The following ATF6B variants were observed in gnomAD, a reference collection of about 807,000 sequenced individuals.
ATF6B encodes the protein activating transcription factor 6 beta.
A neutral mutation model predicts 83.5 loss-of-function variants in ATF6B; 50 were observed. That is an observed-to-expected ratio of 0.60 (90% confidence interval 0.48 to 0.76). ATF6B has a LOEUF of 0.76. ATF6B is among the 30% of genes least tolerant of loss of function. ATF6B has a pLI of 0.00. For missense variants in ATF6B, 790 were observed against 893.8 expected (o/e 0.88, Z 1.48); for synonymous variants, 344 against 362.8 (o/e 0.95, Z 0.59).
At position 32,124,326 on chromosome 6, in the gene ATF6B, C is replaced by T. The variant is rs1781880523; in HGVS notation, c.478+1791G>A. Among the ~76,000 whole-genome samples the T allele has an allele frequency of 3.3e-5, 5 of 152,192 alleles. No individual in the cohort carries two copies. The South Asian group carries it at 1.0e-3, about 31-fold the overall frequency. On this transcript the variant is annotated intron_variant, in intron 5 of 17. Transcript: ENST00000375203. ...CATCACCCACCCACAGCCATCCTAG[C>T]CACAAACCTCTTTGACTCCTACCTC...
Position 32,120,917 on chromosome 6 carries a change from G to A in ATF6B, c.701-15C>T. 6.5e-7 allele frequency: 1 copy of A among 1,527,158 alleles called. No homozygotes were observed. Among genetic ancestry groups the A allele is most frequent in the Non-Finnish European group, 8.8e-7 (1 of 1,138,480 alleles). The allele number at this position is 1,527,158 out of a possible 1,614,324, so 94.6% of individuals were successfully genotyped here. A position where few individuals can be genotyped will look rare whatever the true frequency, so the allele number is the denominator to read the frequency against. The stretch of plus-strand genomic sequence containing the variant: ...CAGGGCTTTGCCTGAAGGAAGGTGA[G>A]AGAAAAGAACAAGAAATGTCAGGAC... On this transcript the variant is annotated splice_polypyrimidine_tract_variant and intron_variant, in intron 7 of 17. Coordinates refer to ENST00000375203, the MANE Select transcript of ATF6B (RefSeq NM_004381.5).
rs901452490 is a variant in ATF6B at position 32,116,347 on chromosome 6, C to T, written c.1882+133G>A. 1 of 835,514 alleles carries T rather than the reference C, an allele frequency of 1.2e-6. No individual in the cohort carries two copies. The highest frequency in any genetic ancestry group is 1.7e-5 in the African/African-American group (1 of 58,086). The allele number at this position is 835,514 out of a possible 1,614,324, so 51.8% of individuals were successfully genotyped here. On this transcript the variant is annotated intron_variant, in intron 17 of 17. Transcript: ENST00000375203. This position sits in a 1 kb window ranked among gnomAD's most constrained non-coding sequence, Gnocchi z 5.1. ...TCCTGCATGGTGCTCTTCCCTCCACCTACTTCCTGCTGCTTCTCACCTGTG... is the reference window on the plus strand; with the variant it reads ...TCCTGCATGGTGCTCTTCCCTCCACTTACTTCCTGCTGCTTCTCACCTGTG...
rs996177928 is a variant in ATF6B at position 32,119,257 on chromosome 6, T to C, written c.967-116A>G. On this transcript the variant is annotated intron_variant, in intron 9 of 17. Transcript: ENST00000375203. The surrounding 1 kb of genome is among the most constrained non-coding windows in gnomAD (Gnocchi z 4.9). ...TCACATGGCCATTCCCCTGCCTTCCTGACCCACCTACATAGCCAGAGAGGT... is the reference window on the plus strand; with the variant it reads ...TCACATGGCCATTCCCCTGCCTTCCCGACCCACCTACATAGCCAGAGAGGT... 3 of 1,262,306 alleles carry C rather than the reference T, an allele frequency of 2.4e-6. No homozygotes were observed. Among genetic ancestry groups the C allele is most frequent in the Non-Finnish European group, 2.1e-6 (2 of 932,594 alleles). 78.2% of individuals were successfully genotyped at this position (1,262,306 alleles called of 1,614,324 possible). A position where few individuals can be genotyped will look rare whatever the true frequency, so the allele number is the denominator to read the frequency against.
Position 32,115,709 on chromosome 6 carries a change from C to T in ATF6B, c.*30G>A. ...ACCTGGCCACCTGGTACCCCCTCCC[C>T]CCGTTCTAAGTCAGTGTGAATGGCA... On this transcript the variant is annotated 3_prime_UTR_variant, in exon 18 of 18. Coordinates refer to ENST00000375203, the MANE Select transcript of ATF6B (RefSeq NM_004381.5). 6.5e-7 allele frequency: 1 copy of T among 1,531,246 alleles called. No homozygotes were observed. The highest frequency in any genetic ancestry group is 1.4e-5 in the African/African-American group (1 of 73,088). 94.9% of individuals were successfully genotyped at this position (1,531,246 alleles called of 1,614,324 possible).
chr6:32,118,994 C>T lies in ATF6B; in HGVS notation c.1114G>A (p.Ala372Thr). The change falls in exon 10 of 18, where the codon GCT becomes ACT. Residue 372 changes from alanine (A) to threonine (T), a missense_variant. Coordinates refer to ENST00000375203, the MANE Select transcript of ATF6B (RefSeq NM_004381.5). The surrounding 1 kb of genome is among the most constrained non-coding windows in gnomAD (Gnocchi z 5.2). ...GCCTCCAGCCGCCGCCGGAGGGCAG[C>T]ATTCTCTCGGCGGAGCTGCTGGTTG... Reference protein sequence around the residue: ...ADNQQLRRENAALRRRLEALL... With the variant: ...ADNQQLRRENTALRRRLEALL... 1 of 1,614,168 alleles carries T rather than the reference C, an allele frequency of 6.2e-7. No individual in the cohort carries two copies. Among genetic ancestry groups the T allele is most frequent in the Non-Finnish European group, 8.5e-7 (1 of 1,179,996 alleles).
In ATF6B at chr6:32,117,497, C is replaced by T. The variant is rs1781576972; in HGVS notation, c.1532+90G>A. 3.1e-6 allele frequency: 5 copies of T among 1,592,532 alleles called. No homozygotes were observed. Among genetic ancestry groups the T allele is most frequent in the Non-Finnish European group, 8.6e-7 (1 of 1,165,466 alleles). ...AGGAGTGAGGAGAGGGCAGGGAGCA[C>T]TGGCGCTTTAGTACACAGGCCAGCC... On this transcript the variant is annotated intron_variant, in intron 13 of 17. Coordinates refer to ENST00000375203, the MANE Select transcript of ATF6B (RefSeq NM_004381.5). The surrounding 1 kb of genome is among the most constrained non-coding windows in gnomAD (Gnocchi z 5.0).
In ATF6B at chr6:32,116,799, G is replaced by C. The variant is rs1781547326; in HGVS notation, c.1702C>G (p.Leu568Val). The part of the protein sequence containing the change: ...GPPERDSVGQ[L>V]QLYRHPDRSQ... The stretch of plus-strand genomic sequence containing the variant: ...CGGTCTGGGTGGCGATATAGTTGCA[G>C]CTGGCCCACAGAATCCCTAGGCAGG... Residue 568 changes from leucine to valine, a missense_variant, in exon 16 of 18, where the codon CTG (leucine) becomes GTG (valine). Physicochemically the swap from Leu to Val is conservative, Grantham distance 32 (BLOSUM62 1). Transcript: ENST00000375203. The surrounding 1 kb of genome is among the most constrained non-coding windows in gnomAD (Gnocchi z 5.1). 3 of 1,614,038 alleles carry C rather than the reference G, an allele frequency of 1.9e-6. No homozygotes were observed. The highest frequency in any genetic ancestry group is 2.5e-6 in the Non-Finnish European group (3 of 1,180,026).
At chr6:32,126,589 T>TAA (rs1172631475) in intron 4 of ATF6B, among the ~76,000 whole-genome samples, 2 of 152,194 alleles carry the variant, frequency 1.3e-5, no homozygotes, top group Non-Finnish European at 2.9e-5. Flanking sequence ...TCAGGCGTGG[T>TAA]GGCTTATACC....
chr6:32,115,709 C>G lies in ATF6B; in HGVS notation c.*30G>C, dbSNP rs951409469. 3 of 1,531,128 alleles carry G rather than the reference C, an allele frequency of 2.0e-6. No homozygotes were observed. In the African/African-American group the frequency reaches 4.1e-5, roughly 21 times the overall value. 94.8% of individuals were successfully genotyped at this position (1,531,128 alleles called of 1,614,324 possible). On this transcript the variant is annotated 3_prime_UTR_variant, in exon 18 of 18. Transcript: ENST00000375203. ...ACCTGGCCACCTGGTACCCCCTCCC[C>G]CCGTTCTAAGTCAGTGTGAATGGCA...
In ATF6B at chr6:32,115,954, G is replaced by C. The variant is rs1485410785; in HGVS notation, c.1897C>G (p.Arg633Gly). 6.2e-7 allele frequency: 1 copy of C among 1,613,350 alleles called. No homozygotes were observed. The highest frequency in any genetic ancestry group is 8.5e-7 in the Non-Finnish European group (1 of 1,179,636). The change falls in exon 18 of 18, where the codon CGT (arginine) becomes GGT (glycine). Residue 633 changes from arginine to glycine, a missense_variant. This residue lies in a region of ATF6B where 530 missense variants were observed against 632.6 expected (regional missense o/e 0.84). Coordinates refer to ENST00000375203, the MANE Select transcript of ATF6B (RefSeq NM_004381.5). ...TCCTCATAGTCCCCCGGGGCCCCAC[G>C]GCCTGACAGGGTCTCTGTGAGAAGG... Reference protein sequence around the residue: ...AMAPNETLSGRGAPGDYEEMM... With the variant: ...AMAPNETLSGGGAPGDYEEMM...
In ATF6B at chr6:32,117,047, G is replaced by T; in HGVS notation, c.1675C>A (p.Pro559Thr). The T allele has an allele frequency of 1.2e-6, 2 of 1,614,066 alleles. No homozygotes were observed. Among genetic ancestry groups the T allele is most frequent in the South Asian group, 1.1e-5 (1 of 91,080 alleles). The change falls in exon 15 of 18, where the codon CCC (proline) becomes ACC (threonine). Residue 559 changes from proline to threonine, a missense_variant. By Grantham distance (38) the Pro-to-Thr change is conservative. This residue lies in a region of ATF6B where 530 missense variants were observed against 632.6 expected (regional missense o/e 0.84). Coordinates refer to ENST00000375203, the MANE Select transcript of ATF6B (RefSeq NM_004381.5). The surrounding 1 kb of genome is among the most constrained non-coding windows in gnomAD (Gnocchi z 5.0). ...VKAVPIQPPGPPERDSVGQLQ... is the reference protein window; with the variant it reads ...VKAVPIQPPGTPERDSVGQLQ... ...CCACCCCACACTCACCTTTCTGGGG[G>T]TCCAGGGGGTTGGATGGGGACTGCC...
In ATF6B at chr6:32,117,551, CG is replaced by C; in HGVS notation, c.1532+35del. Reference sequence around the variant, plus strand: ...CTGACTGCAGAAGGCCTTGGGAGGCCGGGGGAGCTGGATGCCCCAGCAATGA... The same window carrying C: ...CTGACTGCAGAAGGCCTTGGGAGGCCGGGGAGCTGGATGCCCCAGCAATGA... On this transcript the variant is annotated intron_variant, in intron 13 of 17. Coordinates refer to ENST00000375203, the MANE Select transcript of ATF6B (RefSeq NM_004381.5). This position sits in a 1 kb window ranked among gnomAD's most constrained non-coding sequence, Gnocchi z 5.0. 1 of 1,606,968 alleles carries C rather than the reference CG, an allele frequency of 6.2e-7. No individual in the cohort carries two copies. The highest frequency in any genetic ancestry group is 1.1e-5 in the South Asian group (1 of 90,404).
chr6:32,115,717 AAGTC>A lies in ATF6B; in HGVS notation c.*18_*21del. 5 of 1,557,356 alleles carry A rather than the reference AAGTC, an allele frequency of 3.2e-6. No individual in the cohort carries two copies. Among genetic ancestry groups the A allele is most frequent in the Non-Finnish European group, 4.4e-6 (5 of 1,147,110 alleles). Reference sequence around the variant, plus strand: ...ACCTGGTACCCCCTCCCCCCGTTCTAAGTCAGTGTGAATGGCAGAGGTCAGGGAT... The same window carrying A: ...ACCTGGTACCCCCTCCCCCCGTTCTAAGTGTGAATGGCAGAGGTCAGGGAT... On this transcript the variant is annotated 3_prime_UTR_variant, in exon 18 of 18. Transcript: ENST00000375203.
Position 32,117,630 on chromosome 6 carries a change from G to A in ATF6B, c.1489C>T (p.Leu497Phe). 6.2e-7 allele frequency: 1 copy of A among 1,614,234 alleles called. No individual in the cohort carries two copies. Among genetic ancestry groups the A allele is most frequent in the Non-Finnish European group, 8.5e-7 (1 of 1,180,040 alleles). The part of the protein sequence containing the change: ...LLLRDLDQLF[L>F]SSDCRHFNRT... Reference sequence around the variant, plus strand: ...TTGAAGTGCCGGCAATCAGAGGAGAGGAAGAGCTGGTCTAGGTCTCTTAGT... The same window carrying A: ...TTGAAGTGCCGGCAATCAGAGGAGAAGAAGAGCTGGTCTAGGTCTCTTAGT... The change falls in exon 13 of 18, where the codon CTC becomes TTC. Residue 497 changes from leucine to phenylalanine, a missense_variant. This residue lies in a region of ATF6B where 530 missense variants were observed against 632.6 expected (regional missense o/e 0.84). Transcript: ENST00000375203. The surrounding 1 kb of genome is among the most constrained non-coding windows in gnomAD (Gnocchi z 5.0).
rs1184086936 is a variant in ATF6B, at chr6:32,115,905, A to G, written c.1946T>C (p.Val649Ala). 6.2e-7 allele frequency: 1 copy of G among 1,613,930 alleles called. No individual in the cohort carries two copies. The highest frequency in any genetic ancestry group is 2.2e-5 in the East Asian group (1 of 44,876). The change falls in exon 18 of 18, where the codon GTC becomes GCC. Residue 649 changes from valine to alanine, a missense_variant. By Grantham distance (64) the Val-to-Ala change is moderately conservative. Around this residue, in one of 3 missense-constraint regions of ATF6B, gnomAD observed 530 missense variants for 632.6 expected, o/e 0.84. Coordinates refer to ENST00000375203, the MANE Select transcript of ATF6B (RefSeq NM_004381.5). ...YEEMMQIECE[V>A]MDTRVIHIKT... Reference sequence around the variant, plus strand: ...GATGTGAATCACCCTGGTGTCCATGACCTCACACTCGATCTGCATCATCTC... The same window carrying G: ...GATGTGAATCACCCTGGTGTCCATGGCCTCACACTCGATCTGCATCATCTC...
intron 5 of ATF6B, among the ~76,000 whole-genome samples, chr6:32,122,675 C>T (rs1033290368): frequency 4.0e-5 from 6 of 150,856 alleles, no homozygotes; most frequent in Admixed American, 2.6e-4. Flanking sequence ...GGTGAAACCC[C>T]GTCTCTACTA....
intron 7 of ATF6B, 30 bp from the exon 8 acceptor site, chr6:32,120,932 A>G: frequency 6.6e-7 from 1 of 1,524,248 alleles, no homozygotes; most frequent in Non-Finnish European, 8.8e-7. Flanking sequence ...AAGAACAAGA[A>G]ATGTCAGGAC....
chr6:32,121,317 T>C lies in ATF6B; in HGVS notation c.510A>G (p.Pro170=), dbSNP rs749292231. 3.1e-6 allele frequency: 5 copies of C among 1,613,850 alleles called. No homozygotes were observed. The highest frequency in any genetic ancestry group is 2.7e-5 in the African/African-American group (2 of 74,876). ...AGGCCTCAGAGTTGACGGAAGAACA[T>C]GGAGAGACAGGTTCTATCTTGGTCT... ...DVQTKIEPVS[P]CSSVNSEASL... is the part of the protein sequence containing the mutation. The change falls in exon 6 of 18, where the codon CCA becomes CCG. Residue 170 remains proline, a synonymous_variant. Transcript: ENST00000375203.
chr6:32,120,890 G>C lies in ATF6B; in HGVS notation c.713C>G (p.Pro238Arg). 6.5e-7 allele frequency: 1 copy of C among 1,543,434 alleles called. No homozygotes were observed. The highest frequency in any genetic ancestry group is 8.7e-7 in the Non-Finnish European group (1 of 1,146,306). ...SLDGSSGKALPTRKPPLQPKP... is the reference protein window; with the variant it reads ...SLDGSSGKALRTRKPPLQPKP... ...GGGCTGCAGTGGCGGCTTCCGGGTGGGCAGGGCTTTGCCTGAAGGAAGGTG... is the reference window on the plus strand; with the variant it reads ...GGGCTGCAGTGGCGGCTTCCGGGTGCGCAGGGCTTTGCCTGAAGGAAGGTG... Residue 238 changes from proline (P) to arginine (R), a missense_variant, in exon 8 of 18, where the codon CCC becomes CGC. Pro to Arg is a moderately radical substitution (Grantham distance 103). Around this residue, in one of 3 missense-constraint regions of ATF6B, gnomAD observed 530 missense variants for 632.6 expected, o/e 0.84. Transcript: ENST00000375203.
Sources: allele counts gnomAD v4.1 joint callset (sites outside exome capture counted in the v4.1 genomes callset), GRCh38; gene constraint gnomAD v4.1.1; regional missense constraint gnomAD v4.1.1; non-coding constraint Gnocchi (gnomAD v3.1); transcripts MANE v1.5; gene names NCBI Gene and HGNC (gene_info 2026-07-23, HGNC 2026-07-21).